Variants in ZFYVE28 observed in about 807,000 individuals in gnomAD.
The protein encoded by ZFYVE28 is lateral signaling target protein 2 homolog.
In ZFYVE28, 40 loss-of-function variants were observed where a neutral mutation model predicts 82.1. The observed-to-expected ratio is 0.49, with a 90% CI of 0.38 to 0.63. The LOEUF is 0.63. ZFYVE28 is among the 30% of genes least tolerant of loss of function. The pLI, the probability that ZFYVE28 is intolerant of heterozygous loss-of-function variation, is 0.00. For synonymous variants in ZFYVE28, 612 were observed against 546.1 expected (o/e 1.12, Z -1.68); for missense variants, 1,321 against 1,242.1 (o/e 1.06, Z -0.96).
At position 2,327,251 on chromosome 4, in the gene ZFYVE28, AATATATATATAT is replaced by A. The variant is rs67940269; in HGVS notation, c.702-6992_702-6981del. Among the ~76,000 whole-genome samples, 626 of 86,924 alleles carry A rather than the reference AATATATATATAT, an allele frequency of 7.2e-3. 11 individuals carry two copies. The highest frequency in any genetic ancestry group is 9.9e-3 in the Admixed American group (74 of 7,476). 57.0% of individuals were successfully genotyped at this position (86,924 alleles called of 152,430 possible). ...GGTGACGGAGCAAGACTCCATCTCAAATATATATATATATATATATATATATATATATATATA... is the reference window on the plus strand; with the variant it reads ...GGTGACGGAGCAAGACTCCATCTCAAATATATATATATATATATATATATA... On this transcript the variant is annotated intron_variant, in intron 6 of 12. Coordinates refer to ENST00000290974, the MANE Select transcript of ZFYVE28 (RefSeq NM_020972.3).
intron 8 of ZFYVE28, among the ~76,000 whole-genome samples, chr4:2,297,477 G>A (rs1714767921): frequency 6.6e-6 from 1 of 152,234 alleles, no homozygotes; most frequent in Non-Finnish European, 1.5e-5. Context: ...TGGAGGCCAG[G>A]ACCCACTGTC....
intron 1 of ZFYVE28, among the ~76,000 whole-genome samples, chr4:2,356,687 G>A (rs1388230223): frequency 1.3e-5 from 2 of 152,226 alleles, no homozygotes; most frequent in Non-Finnish European, 2.9e-5. Flanking sequence ...GGGTTGGGAG[G>A]CAGGAGACAC....
At position 2,308,622 on chromosome 4, in the gene ZFYVE28, G is replaced by GAAGAAAGAAAGA. The variant is rs1238806821; in HGVS notation, c.804-3087_804-3086insTCTTTCTTTCTT. Among the ~76,000 whole-genome samples, 232 of 81,630 alleles carry GAAGAAAGAAAGA rather than the reference G, an allele frequency of 2.8e-3. 2 individuals carry two copies. Among genetic ancestry groups the GAAGAAAGAAAGA allele is most frequent in the East Asian group, 4.3e-3 (10 of 2,320 alleles). 53.6% of individuals were successfully genotyped at this position (81,630 alleles called of 152,430 possible). Reference sequence around the variant, plus strand: ...AGACAGAGAGAGAGAAAGAAAGAAAGAAGACAGAAAGAAAGAAAGAAAGAA... The same window carrying GAAGAAAGAAAGA: ...AGACAGAGAGAGAGAAAGAAAGAAAGAAGAAAGAAAGAAAGACAGAAAGAAAGAAAGAAAGAA... On this transcript the variant is annotated intron_variant, in intron 7 of 12. Transcript: ENST00000290974.
intron 8 of ZFYVE28, among the ~76,000 whole-genome samples, chr4:2,279,508 A>ATG (rs1193737549): frequency 6.2e-4 from 95 of 152,272 alleles, no homozygotes; most frequent in East Asian, 3.9e-3. Context: ...GGCCGGGTGC[A>ATG]GTGGCTCACA....
intron 8 of ZFYVE28, among the ~76,000 whole-genome samples, chr4:2,280,117 G>T (rs1315834389): frequency 6.6e-6 from 1 of 152,192 alleles, no homozygotes; most frequent in Non-Finnish European, 1.5e-5. Flanking sequence ...ACAGTGGGTT[G>T]ACTCAATACA....
At chr4:2,398,336 AC>A (rs1730711639) in intron 1 of ZFYVE28, among the ~76,000 whole-genome samples, 1 of 152,196 alleles carries the variant, frequency 6.6e-6, no homozygotes, top group Non-Finnish European at 1.5e-5. Context: ...GCATGAGGGC[AC>A]CCAGACAGCT....
rs11454323 is a variant in ZFYVE28 at position 2,354,453 on chromosome 4, A to ATT, written c.40-382_40-381dup. Among the ~76,000 whole-genome samples the ATT allele has an allele frequency of 3.9e-3, 478 of 122,452 alleles. 10 individuals are homozygous for ATT. The East Asian group carries it at 0.05, about 13-fold the overall frequency. The allele number at this position is 122,452 out of a possible 152,430, so 80.3% of individuals were successfully genotyped here. A position where few individuals can be genotyped will look rare whatever the true frequency, so the allele number is the denominator to read the frequency against. On this transcript the variant is annotated intron_variant, in intron 1 of 12. Coordinates refer to ENST00000290974, the MANE Select transcript of ZFYVE28 (RefSeq NM_020972.3). ...AGGCGACAAAAGCAGCTCTCAGGAAATTTTTTTTTTTTTTTTTTTTTTGAG... is the reference window on the plus strand; with the variant it reads ...AGGCGACAAAAGCAGCTCTCAGGAAATTTTTTTTTTTTTTTTTTTTTTTTGAG...
chr4:2,302,790 G>A (rs563907495), intron 8 of ZFYVE28, among the ~76,000 whole-genome samples: 42 of 152,362 alleles, frequency 2.8e-4, no homozygotes, highest in African/African-American at 8.2e-4. Flanking sequence ...AAAAAGGAAC[G>A]GCGTGTTGCC....
chr4:2,340,542 C>T (rs1403677814), intron 3 of ZFYVE28, among the ~76,000 whole-genome samples: 3 of 152,334 alleles, frequency 2.0e-5, no homozygotes, highest in Non-Finnish European at 4.4e-5. Context: ...CGGCGCTGAT[C>T]GCCCAGGCCC....
intron 1 of ZFYVE28, among the ~76,000 whole-genome samples, chr4:2,365,585 A>T (rs1179002083): frequency 6.6e-6 from 1 of 151,946 alleles, no homozygotes; most frequent in Non-Finnish European, 1.5e-5. Flanking sequence ...GGGAGCCCTG[A>T]GCCCTGGCCC....
At chr4:2,354,703 C>G (rs968063392) in intron 1 of ZFYVE28, among the ~76,000 whole-genome samples, 1 of 152,052 alleles carries the variant, frequency 6.6e-6, no homozygotes, top group Admixed American at 6.6e-5. Context: ...AGGTGATCCA[C>G]GCGCCTCAGC....
At chr4:2,288,486 A>G (rs1713104804) in intron 8 of ZFYVE28, among the ~76,000 whole-genome samples, 1 of 152,198 alleles carries the variant, frequency 6.6e-6, no homozygotes, top group Non-Finnish European at 1.5e-5. Context: ...TGGGCTGGCA[A>G]TAAGAGGAGA....
rs776520321 is a variant in ZFYVE28, at chr4:2,305,142, C to G, written c.1198G>C (p.Val400Leu). The change falls in exon 8 of 13, where the codon GTG becomes CTG. Residue 400 changes from valine (V) to leucine (L), a missense_variant. Transcript: ENST00000290974. ...CCCTCCACGTCATCCATGAAGAACA[C>G]GCGCTCCTCCTCGTCACTGCCTGAC... ...LRSGSDEEER[V>L]FFMDDVEGTA... 1.3e-6 allele frequency: 2 copies of G among 1,588,896 alleles called. No individual in the cohort carries two copies. The highest frequency in any genetic ancestry group is 1.7e-4 in the Middle Eastern group (1 of 5,938).
chr4:2,399,095 A>AGGGCACAAGCGTGGAGGTGAGATCCT (rs2108933285), intron 1 of ZFYVE28, among the ~76,000 whole-genome samples: 1 of 25,430 alleles, frequency 3.9e-5, no homozygotes, highest in Admixed American at 4.9e-4. Context: ...GGTGAGATCC[A>AGGGCACAAGCGTGGAGGTGAGATCCT]GGGCACAAGC....
chr4:2,288,641 A>G (rs1713133404), intron 8 of ZFYVE28, among the ~76,000 whole-genome samples: 1 of 152,252 alleles, frequency 6.6e-6, no homozygotes, highest in African/African-American at 2.4e-5. Flanking sequence ...CCATGTGGGC[A>G]GGGAACTTAA....
rs1722827211 is a variant in ZFYVE28, at chr4:2,341,655, T to A, written c.181-40A>T. 6.3e-7 allele frequency: 1 copy of A among 1,590,530 alleles called. No individual in the cohort carries two copies. The highest frequency in any genetic ancestry group is 2.3e-5 in the East Asian group (1 of 44,268). ...AGGAGAAAGTGCGCCAATCGCTGTG[T>A]CCAGCTGGCGGCCGCCATGTACTGC... On this transcript the variant is annotated intron_variant, in intron 2 of 12. Transcript: ENST00000290974. This position sits in a 1 kb window ranked among gnomAD's most constrained non-coding sequence, Gnocchi z 4.5.
Position 2,341,131 on chromosome 4 carries a change from A to G in ZFYVE28, c.318+347T>C, listed in dbSNP as rs1381110206. ...GGCTCCCCAGCCCCTGCTGCTGCCCATGCTGCAGGGCCGGAGGGGAACACT... is the reference window on the plus strand; with the variant it reads ...GGCTCCCCAGCCCCTGCTGCTGCCCGTGCTGCAGGGCCGGAGGGGAACACT... On this transcript the variant is annotated intron_variant, in intron 3 of 12. Coordinates refer to ENST00000290974, the MANE Select transcript of ZFYVE28 (RefSeq NM_020972.3). This position sits in a 1 kb window ranked among gnomAD's most constrained non-coding sequence, Gnocchi z 4.5. Among the ~76,000 whole-genome samples the G allele has an allele frequency of 6.6e-6, 1 of 152,044 alleles. No individual in the cohort carries two copies. The highest frequency in any genetic ancestry group is 1.9e-4 in the East Asian group (1 of 5,184).
At chr4:2,367,958 T>C (rs1457130696) in intron 1 of ZFYVE28, among the ~76,000 whole-genome samples, 1 of 152,096 alleles carries the variant, frequency 6.6e-6, no homozygotes, top group Admixed American at 6.5e-5. Context: ...TGCGTGCCAG[T>C]CGCGGCAGGT....
chr4:2,401,927 C>T (rs922078436), intron 1 of ZFYVE28, among the ~76,000 whole-genome samples: 3 of 152,200 alleles, frequency 2.0e-5, no homozygotes, highest in Admixed American at 6.5e-5. Context: ...GCCCTCCCAG[C>T]GCTCCCTGAA....
Sources: allele counts gnomAD v4.1 joint callset (sites outside exome capture counted in the v4.1 genomes callset), GRCh38; gene constraint gnomAD v4.1.1; non-coding constraint Gnocchi (gnomAD v3.1); transcripts MANE v1.5; gene names NCBI Gene and HGNC (gene_info 2026-07-23, HGNC 2026-07-21).